The following SNTB1 variants were observed in gnomAD, a reference collection of about 807,000 sequenced individuals.
SNTB1 encodes syntrophin beta 1, also known as beta-1-syntrophin.
Under a neutral mutation model 48.9 loss-of-function variants are expected in SNTB1, and 36 were observed. The observed-to-expected ratio is 0.74, with a 90% CI of 0.56 to 0.97. The LOEUF (loss-of-function observed/expected upper bound fraction) is 0.97. Ranked by LOEUF, SNTB1 falls within the 50% of genes least tolerant of loss-of-function variation. The pLI is 0.00. For synonymous variants in SNTB1, 299 were observed against 294.6 expected, an observed-to-expected ratio of 1.01 and a Z score of -0.15; for missense variants, 786 against 703.4, an observed-to-expected ratio of 1.12 and a Z score of -1.33.
chr8:120,620,216 T>C (rs928259028), intron 3 of SNTB1, among the ~76,000 whole-genome samples: 1 of 152,224 alleles, frequency 6.6e-6, no homozygotes, highest in African/African-American at 2.4e-5. Context: ...GCTAGAGAGC[T>C]GACTGCCCTC....
intron 1 of SNTB1, among the ~76,000 whole-genome samples, chr8:120,699,070 G>A (rs1818260445): frequency 6.6e-6 from 1 of 152,186 alleles, no homozygotes; most frequent in Non-Finnish European, 1.5e-5. Flanking sequence ...AAGTTGTCAG[G>A]GACTCAGGCT....
At chr8:120,719,196 G>A (rs1046258849) in intron 1 of SNTB1, among the ~76,000 whole-genome samples, 1 of 152,138 alleles carries the variant, frequency 6.6e-6, no homozygotes, top group Non-Finnish European at 1.5e-5. Flanking sequence ...GCTGAGAAAG[G>A]CAGACCCACC....
intron 3 of SNTB1, among the ~76,000 whole-genome samples, chr8:120,613,758 T>C (rs533665299): frequency 2.6e-5 from 4 of 152,282 alleles, no homozygotes; most frequent in Admixed American, 6.5e-5. Context: ...GGTATCAGAG[T>C]GGTGAGATTG....
chr8:120,644,937 G>GT (rs1817261108), intron 2 of SNTB1, among the ~76,000 whole-genome samples: 1 of 152,022 alleles, frequency 6.6e-6, no homozygotes, highest in Non-Finnish European at 1.5e-5. Flanking sequence ...TTTTTCATGT[G>GT]TTTTTTGGCT....
chr8:120,583,666 AAATAGTTAAGAAATAATACC>A, intron 3 of SNTB1, among the ~76,000 whole-genome samples: 1 of 152,302 alleles, frequency 6.6e-6, no homozygotes, highest in Non-Finnish European at 1.5e-5. Context: ...GAATTCTATC[AAATAGTTAAGAAATAATACC>A]AATTATATAT....
intron 2 of SNTB1, among the ~76,000 whole-genome samples, chr8:120,691,436 A>G (rs1483394017): frequency 1.3e-5 from 2 of 152,230 alleles, no homozygotes; most frequent in Non-Finnish European, 2.9e-5. Flanking sequence ...TAGAATGGGG[A>G]CAATGAAAGA....
intron 2 of SNTB1, among the ~76,000 whole-genome samples, chr8:120,678,353 A>G (rs1220763014): frequency 6.6e-6 from 1 of 152,162 alleles, no homozygotes; most frequent in African/African-American, 2.4e-5. Context: ...CAGTTTTGTC[A>G]TAATGGAAGA....
intron 1 of SNTB1, among the ~76,000 whole-genome samples, chr8:120,763,340 C>G (rs1403674966): frequency 2.0e-5 from 3 of 152,126 alleles, no homozygotes; most frequent in Non-Finnish European, 4.4e-5. Flanking sequence ...CTGAAGAAAA[C>G]TACAACAAGG....
At chr8:120,693,542 C>T (rs1818161884) in intron 2 of SNTB1, 150 bp downstream of exon 2, 1 of 701,640 alleles carries the variant, frequency 1.4e-6, no homozygotes. Flanking sequence ...CACACACAGA[C>T]ACACACAATT....
chr8:120,551,895 A>G (rs1749998445), intron 4 of SNTB1, among the ~76,000 whole-genome samples: 1 of 152,164 alleles, frequency 6.6e-6, no homozygotes, highest in Non-Finnish European at 1.5e-5. Flanking sequence ...AGGATTAAAT[A>G]TAGTAAAATA....
intron 2 of SNTB1, among the ~76,000 whole-genome samples, chr8:120,639,309 T>C (rs1817143579): frequency 6.6e-6 from 1 of 152,230 alleles, no homozygotes. Context: ...GAAGAGTAGA[T>C]TGCAAAAATT....
intron 2 of SNTB1, among the ~76,000 whole-genome samples, chr8:120,642,124 C>T (rs900154204): frequency 1.6e-4 from 25 of 152,096 alleles, no homozygotes; most frequent in African/African-American, 4.1e-4. Context: ...AGAAGGGCTG[C>T]GCCATAGGTT....
chr8:120,656,073 G>T (rs561282540), intron 2 of SNTB1, among the ~76,000 whole-genome samples: 8 of 152,166 alleles, frequency 5.3e-5, no homozygotes, highest in African/African-American at 1.9e-4. Context: ...GAGGAAATCC[G>T]TGAACACCAT....
At chr8:120,756,789 A>C (rs576212480) in intron 1 of SNTB1, among the ~76,000 whole-genome samples, 1 of 152,152 alleles carries the variant, frequency 6.6e-6, no homozygotes, top group African/African-American at 2.4e-5. Context: ...CTGGAGGTAG[A>C]AAACAAGAGA....
At chr8:120,551,791 C>G (rs1815486381) in intron 4 of SNTB1, among the ~76,000 whole-genome samples, 1 of 150,298 alleles carries the variant, frequency 6.7e-6, no homozygotes, top group Non-Finnish European at 1.5e-5. Flanking sequence ...ATGCACTGTA[C>G]CTATCACAGA....
intron 1 of SNTB1, among the ~76,000 whole-genome samples, chr8:120,738,782 T>C (rs1039951403): frequency 2.0e-5 from 3 of 152,200 alleles, no homozygotes; most frequent in Non-Finnish European, 4.4e-5. Flanking sequence ...AGATTGCATG[T>C]ATCACCATTA....
At chr8:120,602,569 A>G (rs1402005580) in intron 3 of SNTB1, among the ~76,000 whole-genome samples, 1 of 152,026 alleles carries the variant, frequency 6.6e-6, no homozygotes, top group East Asian at 1.9e-4. Context: ...CAGCTAGTCC[A>G]CCCTGCAGAT....
chr8:120,753,317 C>T (rs934976519), intron 1 of SNTB1, among the ~76,000 whole-genome samples: 7 of 152,154 alleles, frequency 4.6e-5, no homozygotes, highest in African/African-American at 7.2e-5. Context: ...GATATAATTG[C>T]GTAACTTTAA....
chr8:120,742,584 C>T (rs1456278352), intron 1 of SNTB1, among the ~76,000 whole-genome samples: 1 of 152,190 alleles, frequency 6.6e-6, no homozygotes, highest in African/African-American at 2.4e-5. Context: ...CATAAGTTCT[C>T]CACCTTTCTC....
Sources: allele counts gnomAD v4.1 joint callset (sites outside exome capture counted in the v4.1 genomes callset), GRCh38; gene constraint gnomAD v4.1.1; transcripts MANE v1.5; gene names NCBI Gene and HGNC (gene_info 2026-07-23, HGNC 2026-07-21).